The following KLF17 variants were observed in gnomAD, a reference collection of about 807,000 sequenced individuals.
KLF17 encodes KLF transcription factor 17.
A neutral mutation model predicts 34.2 loss-of-function variants in KLF17; 31 were observed. The observed-to-expected ratio is 0.91, with a 90% CI of 0.68 to 1.22. The LOEUF (loss-of-function observed/expected upper bound fraction) is 1.22. Ranked by LOEUF, KLF17 falls within the 50% of genes most tolerant of loss-of-function variation. KLF17 has a pLI of 0.00. For missense variants in KLF17, 478 were observed against 505.2 expected (o/e 0.95, Z 0.52); for synonymous variants, 179 against 186.7 (o/e 0.96, Z 0.34).
the KLF17 span, among the ~76,000 whole-genome samples, chr1:44,112,597 G>A: frequency 6.6e-6 from 1 of 151,918 alleles, no homozygotes; most frequent in Non-Finnish European, 1.5e-5. Context: ...TTGAAGAGAC[G>A]GGGTCTTGCT....
the KLF17 span, among the ~76,000 whole-genome samples, chr1:44,087,193 C>T: frequency 1.3e-5 from 2 of 152,118 alleles, no homozygotes; most frequent in African/African-American, 2.4e-5. Context: ...GTTCAGGCTG[C>T]CGTAACAAGA....
At chr1:44,123,377 A>C (rs2087971762) in intron 1 of KLF17, among the ~76,000 whole-genome samples, 1 of 152,124 alleles carries the variant, frequency 6.6e-6, no homozygotes, top group Non-Finnish European at 1.5e-5. Context: ...GAATTTGTCC[A>C]TTTTATCCAG....
At chr1:44,111,581 T>G in the KLF17 span, among the ~76,000 whole-genome samples, 196 of 152,142 alleles carry the variant, frequency 1.3e-3, no homozygotes, top group African/African-American at 4.3e-3. Flanking sequence ...AGTCAGCTTC[T>G]AATGTTAACA....
At chr1:44,098,340 G>T in the KLF17 span, among the ~76,000 whole-genome samples, 2 of 151,464 alleles carry the variant, frequency 1.3e-5, no homozygotes, top group Non-Finnish European at 2.9e-5. Flanking sequence ...ATTTATTTGG[G>T]TCACTCTCTT....
At chr1:44,117,436 ATTTAT>A (rs143866219), upstream of KLF17, 63,996 of 145,200 alleles carry the variant, frequency 0.44, 14,371 homozygotes, top group Middle Eastern at 0.5. Context: ...CTCCTTTTTT[ATTTAT>A]TTTATTTTAT....
chr1:44,090,962 A>T, the KLF17 span, among the ~76,000 whole-genome samples: 1 of 151,306 alleles, frequency 6.6e-6, no homozygotes, highest in Non-Finnish European at 1.5e-5. Context: ...GCACGCATGC[A>T]CACACACACA....
chr1:44,068,152 G>A, the KLF17 span, among the ~76,000 whole-genome samples: 1 of 152,162 alleles, frequency 6.6e-6, no homozygotes, highest in East Asian at 1.9e-4. Context: ...AGCCTCCTGA[G>A]TAGCTAGGAT....
In KLF17 at chr1:44,118,884, G is replaced by C; in HGVS notation, c.-24G>C. On this transcript the variant is annotated 5_prime_UTR_variant, in exon 1 of 4. Coordinates refer to ENST00000372299, the MANE Select transcript of KLF17 (RefSeq NM_173484.4). ...GCTGGTTCCCTGTCTCTTCAGTAGAGAGTCTAGACCCCACCCAGTCTTCAT... is the reference window on the plus strand; with the variant it reads ...GCTGGTTCCCTGTCTCTTCAGTAGACAGTCTAGACCCCACCCAGTCTTCAT... The C allele has an allele frequency of 2.5e-6, 4 of 1,589,832 alleles. No individual in the cohort carries two copies. The African/African-American group carries it at 5.4e-5, about 21-fold the overall frequency.
At chr1:44,045,960 GCCCTCCAGAC>G in the KLF17 span, 5 of 151,948 alleles carry the variant, frequency 3.3e-5, no homozygotes, top group Admixed American at 1.3e-4. Context: ...TCAGATCTGT[GCCCTCCAGAC>G]CCTCCTAACA....
chr1:44,094,673 G>T, the KLF17 span, among the ~76,000 whole-genome samples: 9 of 151,898 alleles, frequency 5.9e-5, no homozygotes, highest in Non-Finnish European at 1.2e-4. Flanking sequence ...TTTATTTCTG[G>T]GTTCTCTATT....
intron 3 of KLF17, among the ~76,000 whole-genome samples, chr1:44,132,555 C>T (rs1032961007): frequency 3.9e-5 from 6 of 152,156 alleles, no homozygotes; most frequent in African/African-American, 1.4e-4. Flanking sequence ...CATTCTTTCC[C>T]GCCTTTCTTC....
the KLF17 span, among the ~76,000 whole-genome samples, chr1:44,065,147 G>T: frequency 6.6e-6 from 1 of 151,980 alleles, no homozygotes; most frequent in Non-Finnish European, 1.5e-5. Flanking sequence ...AATTAGCGGG[G>T]CGTGGTAGCG....
At chr1:44,103,516 A>T in the KLF17 span, 1 of 1,173,390 alleles carries the variant, frequency 8.5e-7, no homozygotes, top group Non-Finnish European at 1.3e-6. Context: ...GCACCTGCAT[A>T]GCTGCTGGTG....
At chr1:44,060,065 C>A in the KLF17 span, among the ~76,000 whole-genome samples, 4 of 152,214 alleles carry the variant, frequency 2.6e-5, no homozygotes, top group Non-Finnish European at 4.4e-5. Flanking sequence ...TGTGTACCCC[C>A]CCAGGCTCAT....
chr1:44,102,860 AAT>A, the KLF17 span, among the ~76,000 whole-genome samples: 1 of 134,038 alleles, frequency 7.5e-6, no homozygotes, highest in South Asian at 2.5e-4. Context: ...GCCATAAAAA[AAT>A]GTTGCTTGAT....
the KLF17 span, chr1:44,107,313 C>T: frequency 6.6e-6 from 1 of 152,088 alleles, no homozygotes; most frequent in Non-Finnish European, 1.5e-5. Flanking sequence ...CTGTTTTGGC[C>T]AGGCTGGTCT....
At chr1:44,120,976 C>T (rs2087938693) in intron 1 of KLF17, among the ~76,000 whole-genome samples, 1 of 152,120 alleles carries the variant, frequency 6.6e-6, no homozygotes, top group Non-Finnish European at 1.5e-5. Flanking sequence ...GCCTGGGCAA[C>T]ATAGTGAGAT....
chr1:44,097,789 C>T, the KLF17 span, among the ~76,000 whole-genome samples: 1 of 151,924 alleles, frequency 6.6e-6, no homozygotes, highest in East Asian at 1.9e-4. Flanking sequence ...GAGGTATGTT[C>T]CTTCTATACC....
intron 1 of KLF17, among the ~76,000 whole-genome samples, chr1:44,119,778 A>G (rs2087926141): frequency 6.6e-6 from 1 of 152,228 alleles, no homozygotes; most frequent in Non-Finnish European, 1.5e-5. Context: ...CAGGGACACC[A>G]TTGAGATCAT....
Sources: gnomAD v4.1 joint callset for allele counts (sites outside exome capture counted in the v4.1 genomes callset) on GRCh38, gnomAD v4.1.1 for gene constraint, MANE v1.5 for transcripts, NCBI Gene and HGNC (gene_info 2026-07-23, HGNC 2026-07-21) for gene names.